Variants in NFIC observed in about 807,000 individuals in gnomAD.
The protein encoded by NFIC is nuclear factor 1 C-type.
A neutral mutation model predicts 54.4 loss-of-function variants in NFIC; 12 were observed. The observed-to-expected ratio is 0.22, with a 90% CI of 0.14 to 0.36. The LOEUF is 0.36. Among genes scored for constraint, NFIC ranks in the 10% least tolerant of loss-of-function variants. The pLI is 1.00. For missense variants in NFIC, 575 were observed against 718.2 expected, an observed-to-expected ratio of 0.80 and a Z score of 2.28; for synonymous variants, 322 against 319.2, an observed-to-expected ratio of 1.01 and a Z score of -0.09.
intron 2 of NFIC, among the ~76,000 whole-genome samples, chr19:3,384,949 G>A (rs1383338061): frequency 6.7e-6 from 1 of 149,898 alleles, no homozygotes; most frequent in African/African-American, 2.5e-5. Flanking sequence ...CCTCCTCCGT[G>A]CTGAGCTGAT....
At chr19:3,462,632 G>T (rs753628505) in intron 10 of NFIC, 120 bp from the exon 11 acceptor site, 19 of 1,126,034 alleles carry the variant, frequency 1.7e-5, no homozygotes, top group Non-Finnish European at 2.5e-5. Context: ...GAGGTCACAG[G>T]GTTGCAGGAG....
At chr19:3,362,284 C>T (rs2080821253), upstream of NFIC, among the ~76,000 whole-genome samples, 1 of 151,816 alleles carries the variant, frequency 6.6e-6, no homozygotes, top group Admixed American at 6.6e-5. Context: ...GGACAAGTGC[C>T]CATGTGTTTG....
chr19:3,404,211 C>G (rs1393152399), intron 2 of NFIC, among the ~76,000 whole-genome samples: 4 of 43,852 alleles, frequency 9.1e-5, no homozygotes, highest in Non-Finnish European at 1.8e-4. Flanking sequence ...GAGGCCTCAG[C>G]TTGGCTGCTG....
At chr19:3,436,324 T>A (rs550623763) in intron 6 of NFIC, among the ~76,000 whole-genome samples, 29 of 132,494 alleles carry the variant, frequency 2.2e-4, no homozygotes, top group African/African-American at 5.9e-4. Context: ...TTTTTTTTTT[T>A]TTTTTTTTTT....
At chr19:3,418,365 G>A (rs552210716) in intron 2 of NFIC, among the ~76,000 whole-genome samples, 1 of 152,154 alleles carries the variant, frequency 6.6e-6, no homozygotes, top group African/African-American at 2.4e-5. Flanking sequence ...CCAAAGTACC[G>A]AGATTACAGG....
rs993185048 is a variant in NFIC, at chr19:3,375,664, T to C, written c.31-6048T>C. 3.3e-5 allele frequency among the ~76,000 whole-genome samples: 5 copies of C among 152,154 alleles called. No homozygotes were observed. The highest frequency in any genetic ancestry group is 1.3e-4 in the Admixed American group (2 of 15,280). ...CATTGGGGTGGGGGAGCTTCGCTGG[T>C]ACAAGCTGACTCTGGTCTCACTGGG... On this transcript the variant is annotated intron_variant, in intron 1 of 10. Coordinates refer to ENST00000443272, the MANE Select transcript of NFIC (RefSeq NM_001245002.2). The surrounding 1 kb of genome is among the most constrained non-coding windows in gnomAD (Gnocchi z 4.6).
intron 2 of NFIC, among the ~76,000 whole-genome samples, chr19:3,383,191 T>C (rs895793342): frequency 3.3e-5 from 5 of 152,122 alleles, no homozygotes; most frequent in East Asian, 3.9e-4. Context: ...TGTTGGTTGA[T>C]TGACTCTCAG....
In NFIC at chr19:3,452,347, G is replaced by A; in HGVS notation, c.1085-135G>A. ...GTGTCAATGTGGTCAGTGCTGCTGG[G>A]TTTTTTTGGTGGTTATTGTTACTAA... On this transcript the variant is annotated intron_variant, in intron 7 of 10. Coordinates refer to ENST00000443272, the MANE Select transcript of NFIC (RefSeq NM_001245002.2). The surrounding 1 kb of genome is among the most constrained non-coding windows in gnomAD (Gnocchi z 5.3). The A allele has an allele frequency of 8.3e-7, 1 of 1,207,562 alleles. No homozygotes were observed. The highest frequency in any genetic ancestry group is 1.2e-6 in the Non-Finnish European group (1 of 855,522). The allele number at this position is 1,207,562 out of a possible 1,614,324, so 74.8% of individuals were successfully genotyped here.
At chr19:3,415,925 G>A (rs908273568) in intron 2 of NFIC, among the ~76,000 whole-genome samples, 1 of 152,030 alleles carries the variant, frequency 6.6e-6, no homozygotes, top group Admixed American at 6.6e-5. Flanking sequence ...GGATGGCTGA[G>A]GCAGGAGGAG....
At chr19:3,419,276 A>G (rs1329757460) in intron 2 of NFIC, among the ~76,000 whole-genome samples, 1 of 152,226 alleles carries the variant, frequency 6.6e-6, no homozygotes, top group Non-Finnish European at 1.5e-5. Context: ...AAAAATTAAA[A>G]TGAGATGGCA....
intron 2 of NFIC, among the ~76,000 whole-genome samples, chr19:3,422,572 C>G (rs1251133180): frequency 6.6e-6 from 1 of 151,626 alleles, no homozygotes; most frequent in African/African-American, 2.4e-5. Flanking sequence ...AAAAAATTAG[C>G]CGGGCGTGGT....
intron 1 of NFIC, among the ~76,000 whole-genome samples, chr19:3,372,711 GT>G (rs141691142): frequency 0.06 from 8,844 of 146,494 alleles, 831 homozygotes; most frequent in East Asian, 0.29. Flanking sequence ...CAGGAGTGGG[GT>G]GGGGGGGTGC....
Position 3,464,121 on chromosome 19 carries a change from C to G in NFIC, c.*1352C>G, listed in dbSNP as rs2082682567. 1 of 985,394 alleles carries G rather than the reference C, an allele frequency of 1.0e-6. No individual in the cohort carries two copies. Among genetic ancestry groups the G allele is most frequent in the Non-Finnish European group, 1.2e-6 (1 of 829,904 alleles). The allele number at this position is 985,394 out of a possible 1,614,324, so 61.0% of individuals were successfully genotyped here. ...AGTGCCTTACATTCTGGAGCGACCC[C>G]CCTCCCTGGTGCCTCCCAGCGAAGG... On this transcript the variant is annotated 3_prime_UTR_variant, in exon 11 of 11. Transcript: ENST00000443272.
chr19:3,410,558 G>C (rs1325620505), intron 2 of NFIC: 1 of 152,638 alleles, frequency 6.6e-6, no homozygotes, highest in Non-Finnish European at 1.5e-5. Context: ...GGAGGGCAGG[G>C]AGGGGACTGA....
intron 2 of NFIC, among the ~76,000 whole-genome samples, chr19:3,416,591 G>A (rs912192538): frequency 9.9e-5 from 15 of 151,152 alleles, no homozygotes; most frequent in African/African-American, 3.2e-4. Context: ...GCGTGATCTC[G>A]GCTCACTGCA....
At chr19:3,417,034 C>A (rs370505961) in intron 2 of NFIC, among the ~76,000 whole-genome samples, 1 of 144,036 alleles carries the variant, frequency 6.9e-6, no homozygotes, top group African/African-American at 2.4e-5. Context: ...CAGGCGCCCG[C>A]CACCAGGCCC....
rs1411538977 is a variant in NFIC at position 3,464,430 on chromosome 19, C to T, written c.*1661C>T. ...GGCTCCCTGGCCCTATCCACACCTCCACCCCCACCCCAGGATCGCCATCTT... is the reference window on the plus strand; with the variant it reads ...GGCTCCCTGGCCCTATCCACACCTCTACCCCCACCCCAGGATCGCCATCTT... On this transcript the variant is annotated 3_prime_UTR_variant, in exon 11 of 11. Coordinates refer to ENST00000443272, the MANE Select transcript of NFIC (RefSeq NM_001245002.2). 1 of 984,714 alleles carries T rather than the reference C, an allele frequency of 1.0e-6. No homozygotes were observed. Among genetic ancestry groups the T allele is most frequent in the Non-Finnish European group, 1.2e-6 (1 of 829,444 alleles). 61.0% of individuals were successfully genotyped at this position (984,714 alleles called of 1,614,324 possible). A position where few individuals can be genotyped will look rare whatever the true frequency, so the allele number is the denominator to read the frequency against.
In NFIC at chr19:3,435,108, A is replaced by T; in HGVS notation, c.859A>T (p.Met287Leu). The change falls in exon 6 of 11, where the codon ATG becomes TTG. Residue 287 changes from methionine (M) to leucine (L), a missense_variant. This residue lies in a region of NFIC where 447 missense variants were observed against 526.9 expected (regional missense o/e 0.85). Transcript: ENST00000443272. Reference sequence around the variant, plus strand: ...GAGCAAGCGGCACAAATCGGGCTCGATGGAGGAAGACGTGGACACGAGCCC... The same window carrying T: ...GAGCAAGCGGCACAAATCGGGCTCGTTGGAGGAAGACGTGGACACGAGCCC... ...SGSKRHKSGS[M>L]EEDVDTSPGG... is the part of the protein sequence containing the mutation. 6.2e-7 allele frequency: 1 copy of T among 1,604,732 alleles called. No individual in the cohort carries two copies. Among genetic ancestry groups the T allele is most frequent in the Non-Finnish European group, 8.5e-7 (1 of 1,175,494 alleles).
At chr19:3,405,002 C>G (rs529338292) in intron 2 of NFIC, among the ~76,000 whole-genome samples, 1 of 152,310 alleles carries the variant, frequency 6.6e-6, no homozygotes, top group South Asian at 2.1e-4. Flanking sequence ...GGCCGCTGAC[C>G]TGACCCGCAG....
Sources: gnomAD v4.1 joint callset for allele counts (sites outside exome capture counted in the v4.1 genomes callset) on GRCh38, gnomAD v4.1.1 for gene constraint, gnomAD v4.1.1 regional missense constraint, Gnocchi (gnomAD v3.1) non-coding constraint, MANE v1.5 for transcripts, NCBI Gene and HGNC (gene_info 2026-07-23, HGNC 2026-07-21) for gene names.